The following SFMBT1 variants were observed in gnomAD, a reference collection of about 807,000 sequenced individuals.
SFMBT1 encodes scm-like with four MBT domains protein 1.
SFMBT1 carries 32 observed loss-of-function variants against 108.7 expected under a neutral mutation model. The observed-to-expected ratio is 0.29, with a 90% CI of 0.22 to 0.40. The LOEUF (loss-of-function observed/expected upper bound fraction) is 0.40, where lower values mean the gene tolerates loss of function less well. SFMBT1 is among the 10% of genes least tolerant of loss of function. The probability of loss-of-function intolerance (pLI) is 1.00; values close to 1 mark genes in which losing one functional copy is unlikely to be tolerated. For synonymous variants in SFMBT1, 348 were observed against 369.5 expected (o/e 0.94, Z 0.67); for missense variants, 816 against 1,059.6 (o/e 0.77, Z 3.19).
At chr3:53,003,750 T>C (rs1192261977) in intron 1 of SFMBT1, among the ~76,000 whole-genome samples, 6 of 89,444 alleles carry the variant, frequency 6.7e-5, no homozygotes, top group African/African-American at 1.6e-4. Context: ...GTCAGTACCA[T>C]AGAAAGGTCA....
At chr3:52,970,475 T>C (rs1459321036) in intron 1 of SFMBT1, among the ~76,000 whole-genome samples, 1 of 152,230 alleles carries the variant, frequency 6.6e-6, no homozygotes, top group Non-Finnish European at 1.5e-5. Context: ...GCTTTATATA[T>C]ACATGTAAAA....
At chr3:52,929,007 A>G (rs576686625) in intron 8 of SFMBT1, among the ~76,000 whole-genome samples, 238 of 152,030 alleles carry the variant, frequency 1.6e-3, no homozygotes, top group Admixed American at 2.7e-3. Flanking sequence ...ACCTGGCCCA[A>G]GTACCTTTAT....
At chr3:53,013,013 A>G (rs1450707177) in intron 1 of SFMBT1, among the ~76,000 whole-genome samples, 1 of 151,754 alleles carries the variant, frequency 6.6e-6, no homozygotes, top group Non-Finnish European at 1.5e-5. Context: ...AAAAAATTAT[A>G]AATATTTTAT....
intron 1 of SFMBT1, among the ~76,000 whole-genome samples, chr3:53,039,879 T>G (rs1699981187): frequency 6.6e-6 from 1 of 152,190 alleles, no homozygotes; most frequent in Admixed American, 6.6e-5. Context: ...TTGTTACATA[T>G]AAACATTTTT....
At chr3:52,911,870 T>C (rs1702222744) in intron 16 of SFMBT1, among the ~76,000 whole-genome samples, 1 of 151,824 alleles carries the variant, frequency 6.6e-6, no homozygotes. Flanking sequence ...TGGCTAATTT[T>C]TGTATTTTGA....
At chr3:53,006,246 A>C (rs1559546635) in intron 1 of SFMBT1, among the ~76,000 whole-genome samples, 2 of 152,224 alleles carry the variant, frequency 1.3e-5, no homozygotes, top group Admixed American at 6.5e-5. Flanking sequence ...GCAGCAGTGC[A>C]CATATACAGA....
intron 13 of SFMBT1, among the ~76,000 whole-genome samples, chr3:52,918,067 AT>A (rs1702414514): frequency 6.6e-6 from 1 of 152,208 alleles, no homozygotes; most frequent in Non-Finnish European, 1.5e-5. Flanking sequence ...CAAACGAAGA[AT>A]TTCTTGATGG....
At position 52,928,243 on chromosome 3, in the gene SFMBT1, G is replaced by C; in HGVS notation, c.996C>G (p.Ile332Met). 3 of 1,614,136 alleles carry C rather than the reference G, an allele frequency of 1.9e-6. No homozygotes were observed. Among genetic ancestry groups the C allele is most frequent in the Non-Finnish European group, 2.5e-6 (3 of 1,180,014 alleles). The change falls in exon 9 of 21, where the codon ATC becomes ATG. Residue 332 changes from isoleucine (I) to methionine (M), a missense_variant. Coordinates refer to ENST00000394752, the MANE Select transcript of SFMBT1 (RefSeq NM_016329.4). ...SFVCHADSPG[I>M]FPVQWSLKNG... is the part of the protein sequence containing the mutation. ...TCTTCAGACTCCACTGCACAGGGAA[G>C]ATGCCAGGACTGTCGGCGTGGCACA...
intron 1 of SFMBT1, among the ~76,000 whole-genome samples, chr3:53,040,736 A>G (rs1700012624): frequency 1.3e-5 from 2 of 152,010 alleles, no homozygotes; most frequent in Non-Finnish European, 2.9e-5. Context: ...AAGTTACTCA[A>G]CTGTTCAAAC....
chr3:53,042,894 G>A (rs965454783), intron 1 of SFMBT1, among the ~76,000 whole-genome samples: 1 of 152,258 alleles, frequency 6.6e-6, no homozygotes, highest in Non-Finnish European at 1.5e-5. Flanking sequence ...TGAATCTTGG[G>A]TGGAGTGACC....
At chr3:52,948,227 C>G (rs1426899560) in intron 3 of SFMBT1, among the ~76,000 whole-genome samples, 1 of 146,882 alleles carries the variant, frequency 6.8e-6, no homozygotes, top group Non-Finnish European at 1.5e-5. Context: ...AGCACTTTTC[C>G]CGACCACTAT....
Position 52,961,203 on chromosome 3 carries a change from C to T in SFMBT1, c.29-6792G>A, listed in dbSNP as rs191502943. The stretch of plus-strand genomic sequence containing the variant: ...GACATTATGCTAAGAGAAATAAGCC[C>T]GTCACAAAAGACAAATGGATACCTA... On this transcript the variant is annotated intron_variant, in intron 2 of 20. Transcript: ENST00000394752. 1.1e-4 allele frequency among the ~76,000 whole-genome samples: 16 copies of T among 152,020 alleles called. 1 individual carries two copies. The East Asian group carries it at 1.2e-3, about 11-fold the overall frequency.
At position 52,960,147 on chromosome 3, in the gene SFMBT1, CAG is replaced by C. The variant is rs1472722438; in HGVS notation, c.29-5738_29-5737del. ...ATAAGTCTCAAAAACACACATCAAG[CAG>C]AAAAGGCAAGTGCAGAATGAAAAGC... On this transcript the variant is annotated intron_variant, in intron 2 of 20. Coordinates refer to ENST00000394752, the MANE Select transcript of SFMBT1 (RefSeq NM_016329.4). Among the ~76,000 whole-genome samples, 8 of 151,404 alleles carry C rather than the reference CAG, an allele frequency of 5.3e-5. No homozygotes were observed. In the East Asian group the frequency reaches 1.6e-3, roughly 29 times the overall value.
intron 4 of SFMBT1, among the ~76,000 whole-genome samples, chr3:52,937,771 T>C (rs558276672): frequency 5.5e-4 from 83 of 152,108 alleles, no homozygotes; most frequent in East Asian, 1.9e-4. Flanking sequence ...TTCGTAGAGA[T>C]GGGGTTTCAC....
In SFMBT1 at chr3:52,922,462, T is replaced by G. The variant is rs987865799; in HGVS notation, c.1132-631A>C. ...AAAGTTGTTTTTGGTTTGCTTCTAT[T>G]TTGAAGACAAAAACTTAACATCTAT... On this transcript the variant is annotated intron_variant, in intron 10 of 20. Coordinates refer to ENST00000394752, the MANE Select transcript of SFMBT1 (RefSeq NM_016329.4). 4.8e-4 allele frequency among the ~76,000 whole-genome samples: 73 copies of G among 152,238 alleles called. 2 individuals are homozygous for G. The highest frequency in any genetic ancestry group is 5.9e-5 in the Non-Finnish European group (4 of 68,038).
At chr3:52,944,071 A>G (rs1312115650) in intron 3 of SFMBT1, among the ~76,000 whole-genome samples, 5 of 152,222 alleles carry the variant, frequency 3.3e-5, no homozygotes, top group Admixed American at 3.3e-4. Flanking sequence ...AATTACTCTT[A>G]AATAATAATT....
At chr3:52,926,326 A>G (rs543714382) in intron 9 of SFMBT1, among the ~76,000 whole-genome samples, 4 of 152,294 alleles carry the variant, frequency 2.6e-5, no homozygotes, top group African/African-American at 9.6e-5. Context: ...AGACAATCAG[A>G]CTCTGGATAA....
chr3:52,952,746 A>C (rs1358752810), intron 3 of SFMBT1, among the ~76,000 whole-genome samples: 2 of 152,170 alleles, frequency 1.3e-5, no homozygotes, highest in Non-Finnish European at 2.9e-5. Context: ...AAAAACCTTT[A>C]TGGCCGAATC....
chr3:53,015,358 G>C (rs559854416), intron 1 of SFMBT1, among the ~76,000 whole-genome samples: 54 of 152,124 alleles, frequency 3.5e-4, no homozygotes, highest in Non-Finnish European at 6.2e-4. Flanking sequence ...TAGGCAATTT[G>C]AAAAAACAGT....
Sources: gnomAD v4.1 joint callset for allele counts (sites outside exome capture counted in the v4.1 genomes callset) on GRCh38, gnomAD v4.1.1 for gene constraint, MANE v1.5 for transcripts, NCBI Gene and HGNC (gene_info 2026-07-23, HGNC 2026-07-21) for gene names.